DPP10: variants seen among roughly 807,000 people sequenced by gnomAD.
DPP10 encodes the protein inactive dipeptidyl peptidase 10.
A neutral mutation model predicts 120.9 loss-of-function variants in DPP10; 33 were observed. The ratio of observed to expected loss-of-function variants is 0.27; its 90% CI spans 0.21 to 0.37. The LOEUF (loss-of-function observed/expected upper bound fraction) is 0.37, where lower values mean the gene tolerates loss of function less well. Ranked by LOEUF, DPP10 falls within the 10% of genes least tolerant of loss-of-function variation. The probability of loss-of-function intolerance (pLI) is 1.00; values close to 1 mark genes in which losing one functional copy is unlikely to be tolerated. For synonymous variants in DPP10, 337 were observed against 326.1 expected, an observed-to-expected ratio of 1.03 and a Z score of -0.36; for missense variants, 816 against 942.8, an observed-to-expected ratio of 0.87 and a Z score of 1.76.
chr2:115,723,549 T>TA (rs980863131), intron 7 of DPP10, among the ~76,000 whole-genome samples: 57 of 152,234 alleles, frequency 3.7e-4, no homozygotes, highest in African/African-American at 1.3e-3. Context: ...CTCTTCTTTT[T>TA]AGTTGAAATA....
chr2:114,945,395 A>C (rs1010209945), intron 1 of DPP10, among the ~76,000 whole-genome samples: 1 of 152,214 alleles, frequency 6.6e-6, no homozygotes, highest in Non-Finnish European at 1.5e-5. Context: ...AACAATAAGG[A>C]AACAATCAAT....
intron 15 of DPP10, 118 bp from the exon 16 acceptor site, chr2:115,780,756 C>T: frequency 1.1e-6 from 1 of 883,144 alleles, no homozygotes. Context: ...TTACAGTGAA[C>T]CTCTATGCAA....
intron 1 of DPP10, among the ~76,000 whole-genome samples, chr2:114,733,963 C>G (rs1431740597): frequency 1.3e-5 from 2 of 151,960 alleles, no homozygotes; most frequent in Admixed American, 6.6e-5. Flanking sequence ...TTTTTATTTG[C>G]CCAAATTTCT....
rs368485748 is a variant in DPP10, at chr2:115,380,303, T to G, written c.271+36391T>G. On this transcript the variant is annotated intron_variant, in intron 3 of 25. Transcript: ENST00000410059. ...GTTGAATTGATCCCTTTACCATTAT[T>G]TAATGGCCTTCTTTGTCTCTTTTGA... is the stretch of plus-strand genomic sequence containing the variant. Among the ~76,000 whole-genome samples, 1,106 of 152,208 alleles carry G rather than the reference T, an allele frequency of 7.3e-3. 11 individuals are homozygous for G. The highest frequency in any genetic ancestry group is 0.022 in the African/African-American group (932 of 41,542).
intron 1 of DPP10, among the ~76,000 whole-genome samples, chr2:115,237,022 C>A (rs2058038927): frequency 6.6e-6 from 1 of 151,996 alleles, no homozygotes; most frequent in Admixed American, 6.6e-5. Flanking sequence ...GCAGCAGCAA[C>A]AGCCATCACA....
intron 1 of DPP10, among the ~76,000 whole-genome samples, chr2:114,939,853 T>C (rs1294303923): frequency 6.6e-6 from 1 of 152,152 alleles, no homozygotes; most frequent in East Asian, 1.9e-4. Flanking sequence ...CAAATATGTT[T>C]TAGTGAAATA....
intron 1 of DPP10, among the ~76,000 whole-genome samples, chr2:114,857,459 C>T (rs1465805906): frequency 1.3e-5 from 2 of 152,108 alleles, no homozygotes; most frequent in African/African-American, 4.8e-5. Flanking sequence ...GGTTCAGACC[C>T]GTTGGATTAA....
intron 1 of DPP10, among the ~76,000 whole-genome samples, chr2:114,450,913 C>T (rs1678233298): frequency 6.6e-6 from 1 of 151,966 alleles, no homozygotes; most frequent in African/African-American, 2.4e-5. Context: ...TCTAGTGAGG[C>T]TTTTTATAAT....
chr2:115,808,535 T>C (rs1052350434), intron 19 of DPP10, among the ~76,000 whole-genome samples: 41 of 152,186 alleles, frequency 2.7e-4, no homozygotes, highest in African/African-American at 9.4e-4. Context: ...TAGAATCTCA[T>C]TTAATCCCTG....
rs118061668 is a variant in DPP10 at position 115,406,192 on chromosome 2, C to T, written c.271+62280C>T. Among the ~76,000 whole-genome samples the T allele has an allele frequency of 5.5e-3, 838 of 152,270 alleles. 6 individuals are homozygous for T. The highest frequency in any genetic ancestry group is 0.018 in the East Asian group (93 of 5,166). ...TCTACAAAGCCCTAGGACAGGGACA[C>T]AATATGATCAAGTTCTCTGCTAATG... On this transcript the variant is annotated intron_variant, in intron 3 of 25. Transcript: ENST00000410059.
Position 114,442,687 on chromosome 2 carries a change from G to GTAGCAGCGGCAGCAGCAA in DPP10, c.-92_-91insTAGCAGCGGCAGCAGCAA. On this transcript the variant is annotated 5_prime_UTR_variant, in exon 1 of 26. Transcript: ENST00000410059. Reference sequence around the variant, plus strand: ...AGTAGCAGCGGCAGCAGCAACAGCAGCAGCCCCTACTGAAGTCCAATAGAG... The same window carrying GTAGCAGCGGCAGCAGCAA: ...AGTAGCAGCGGCAGCAGCAACAGCAGTAGCAGCGGCAGCAGCAACAGCCCCTACTGAAGTCCAATAGAG... The GTAGCAGCGGCAGCAGCAA allele has an allele frequency of 1.4e-6, 2 of 1,443,736 alleles. No homozygotes were observed. The highest frequency in any genetic ancestry group is 1.9e-6 in the Non-Finnish European group (2 of 1,038,814). 89.4% of individuals were successfully genotyped at this position (1,443,736 alleles called of 1,614,324 possible).
chr2:114,860,819 T>A (rs1300325994), intron 1 of DPP10, among the ~76,000 whole-genome samples: 1 of 152,188 alleles, frequency 6.6e-6, no homozygotes, highest in African/African-American at 2.4e-5. Flanking sequence ...AATTCAAAGC[T>A]CATTTAAAGA....
chr2:115,764,744 T>C (rs1259472727), intron 12 of DPP10, among the ~76,000 whole-genome samples: 1 of 152,176 alleles, frequency 6.6e-6, no homozygotes, highest in East Asian at 1.9e-4. Context: ...ATTGGTCGTT[T>C]ATCACAGTTG....
intron 21 of DPP10, among the ~76,000 whole-genome samples, chr2:115,827,418 A>ATATATATATG (rs1459150704): frequency 7.5e-6 from 1 of 132,692 alleles, no homozygotes; most frequent in African/African-American, 3.0e-5. Flanking sequence ...GTGTGTGTAT[A>ATATATATATG]TATATATATA....
At chr2:114,691,061 C>G (rs772694335) in intron 1 of DPP10, among the ~76,000 whole-genome samples, 4 of 151,998 alleles carry the variant, frequency 2.6e-5, no homozygotes, top group Non-Finnish European at 4.4e-5. Flanking sequence ...CTGTTTATTC[C>G]TTTCTCTTGC....
chr2:115,235,502 A>G (rs1007651323), intron 1 of DPP10, among the ~76,000 whole-genome samples: 2 of 152,078 alleles, frequency 1.3e-5, no homozygotes, highest in African/African-American at 4.8e-5. Flanking sequence ...TTGTGATGGC[A>G]TTTCTGGAAA....
chr2:114,856,062 A>G (rs1364050983), intron 1 of DPP10, among the ~76,000 whole-genome samples: 1 of 152,126 alleles, frequency 6.6e-6, no homozygotes, highest in Non-Finnish European at 1.5e-5. Context: ...AGGCTATAAC[A>G]AAAAAAGAAG....
At chr2:115,677,962 C>T (rs145066752) in intron 5 of DPP10, among the ~76,000 whole-genome samples, 1 of 152,172 alleles carries the variant, frequency 6.6e-6, no homozygotes, top group Admixed American at 6.5e-5. Context: ...CTGCAGAAGA[C>T]ACATTCTTCT....
rs1687039864 is a variant in DPP10 at position 115,814,817 on chromosome 2, G to T, written c.1725G>T (p.Leu575=). 6.4e-7 allele frequency: 1 copy of T among 1,563,256 alleles called. No individual in the cohort carries two copies. The highest frequency in any genetic ancestry group is 8.7e-7 in the Non-Finnish European group (1 of 1,143,680). Residue 575 remains leucine, a synonymous_variant, in exon 20 of 26, where the codon CTG becomes CTT. Coordinates refer to ENST00000410059, the MANE Select transcript of DPP10 (RefSeq NM_020868.6). The stretch of plus-strand genomic sequence containing the variant: ...GGGATGAAGAACCAGGAGGCCAGCT[G>T]GTTACAGATAAGTTCCATATTGACT... The part of the protein sequence containing the change: ...LIMDEEPGGQ[L]VTDKFHIDWD...
Sources: gnomAD v4.1 joint callset for allele counts (sites outside exome capture counted in the v4.1 genomes callset) on GRCh38, gnomAD v4.1.1 for gene constraint, MANE v1.5 for transcripts, NCBI Gene and HGNC (gene_info 2026-07-23, HGNC 2026-07-21) for gene names.